Variants in GLI2 observed in about 807,000 individuals in gnomAD.
GLI2 encodes the protein GLI family zinc finger 2.
GLI2 carries 22 observed loss-of-function variants against 78.9 expected under a neutral mutation model. That is an observed-to-expected ratio of 0.28 (90% CI 0.20 to 0.40). GLI2 has a LOEUF of 0.40. GLI2 is among the 10% of genes least tolerant of loss of function. The probability of loss-of-function intolerance (pLI) is 1.00; values close to 1 mark genes in which losing one functional copy is unlikely to be tolerated. For missense variants in GLI2, 2,097 were observed against 2,213.2 expected (o/e 0.95, Z 1.05); for synonymous variants, 974 against 963.7 (o/e 1.01, Z -0.20).
intron 2 of GLI2, among the ~76,000 whole-genome samples, chr2:120,869,813 G>A (rs277555): frequency 0.58 from 88,326 of 151,698 alleles, 26,439 homozygotes; most frequent in East Asian, 0.75. Context: ...AAGCAAACCC[G>A]TTCCCCAAGG....
intron 3 of GLI2, among the ~76,000 whole-genome samples, chr2:120,929,646 G>T (rs531885856): frequency 6.6e-5 from 10 of 152,338 alleles, no homozygotes; most frequent in African/African-American, 2.4e-4. Flanking sequence ...AGTTGTCCCA[G>T]ATTTGGCCGT....
At chr2:120,794,412 G>T (rs1454650751) in intron 1 of GLI2, among the ~76,000 whole-genome samples, 1 of 152,200 alleles carries the variant, frequency 6.6e-6, no homozygotes, top group Non-Finnish European at 1.5e-5. Context: ...TGAAGGCCAA[G>T]GGGCTCAGCA....
At chr2:120,850,556 C>T (rs1346759227) in intron 2 of GLI2, among the ~76,000 whole-genome samples, 1 of 152,174 alleles carries the variant, frequency 6.6e-6, no homozygotes, top group Non-Finnish European at 1.5e-5. Context: ...CTTAAGGATT[C>T]TCTCTTACAG....
At chr2:120,753,074 G>GT (rs142854951) in intron 1 of GLI2, among the ~76,000 whole-genome samples, 2,927 of 133,588 alleles carry the variant, frequency 0.022, 96 homozygotes, top group African/African-American at 0.076. Context: ...AAGGGTGGGT[G>GT]TTTTTTTTTT....
chr2:120,869,657 T>G (rs925120128), intron 2 of GLI2, among the ~76,000 whole-genome samples: 1 of 152,202 alleles, frequency 6.6e-6, no homozygotes, highest in South Asian at 2.1e-4. Context: ...ACAGAAAGGT[T>G]TCCAGAAGTG....
chr2:120,962,754 C>T (rs966866266), intron 5 of GLI2, among the ~76,000 whole-genome samples: 26 of 152,224 alleles, frequency 1.7e-4, no homozygotes, highest in African/African-American at 5.5e-4. Context: ...CCATGAGAGG[C>T]GGGGATAACA....
At position 120,795,031 on chromosome 2, in the gene GLI2, T is replaced by G. The variant is rs148326754; in HGVS notation, c.-30-2260T>G. Among the ~76,000 whole-genome samples, 1,298 of 152,284 alleles carry G rather than the reference T, an allele frequency of 8.5e-3. 13 individuals are homozygous for G. The highest frequency in any genetic ancestry group is 0.029 in the African/African-American group (1,201 of 41,552). On this transcript the variant is annotated intron_variant, in intron 1 of 13. Transcript: ENST00000361492. The stretch of plus-strand genomic sequence containing the variant: ...CCTCCATTGTTCTTGTGTACTCATT[T>G]TTTTCTACTTAAAAAGATGTGGGAG...
chr2:120,790,100 C>T (rs1484961982), intron 1 of GLI2, among the ~76,000 whole-genome samples: 1 of 152,218 alleles, frequency 6.6e-6, no homozygotes, highest in African/African-American at 2.4e-5. Flanking sequence ...AACATGGGAA[C>T]CATGGATCCC....
chr2:120,968,252 C>A (rs138980148), intron 5 of GLI2, among the ~76,000 whole-genome samples: 1 of 152,122 alleles, frequency 6.6e-6, no homozygotes, highest in African/African-American at 2.4e-5. Context: ...TAGCAGCTGC[C>A]CTTGGGCTGG....
At chr2:120,779,865 C>T (rs888766168) in intron 1 of GLI2, among the ~76,000 whole-genome samples, 15 of 152,262 alleles carry the variant, frequency 9.9e-5, no homozygotes, top group Admixed American at 5.9e-4. Flanking sequence ...CTTCCCAGCC[C>T]GGGAGAGTGC....
Position 120,992,050 on chromosome 2 carries a change from A to ACACCCCC in GLI2, c.*1376_*1377insACCCCCC, listed in dbSNP as rs1553480327. The ACACCCCC allele has an allele frequency of 6.8e-6, 1 of 146,900 alleles. No individual in the cohort carries two copies. Among genetic ancestry groups the ACACCCCC allele is most frequent in the Non-Finnish European group, 1.5e-5 (1 of 67,406 alleles). The allele number at this position is 146,900 out of a possible 1,614,324, so 9.1% of individuals were successfully genotyped here. ...CACACACACACACACACACACACAC[A>ACACCCCC]CCCCAAACCTTTTCATGGGGAATGT... On this transcript the variant is annotated 3_prime_UTR_variant, in exon 14 of 14. Coordinates refer to ENST00000361492, the MANE Select transcript of GLI2 (RefSeq NM_001374353.1).
intron 2 of GLI2, among the ~76,000 whole-genome samples, chr2:120,840,944 G>T (rs1314983937): frequency 6.6e-6 from 1 of 152,170 alleles, no homozygotes; most frequent in Non-Finnish European, 1.5e-5. Context: ...TCTCTGTCTG[G>T]TCTTTGGGGT....
intron 2 of GLI2, among the ~76,000 whole-genome samples, chr2:120,881,812 AACAGTCGTGG>A (rs1677165002): frequency 1.3e-3 from 29 of 21,922 alleles, no homozygotes; most frequent in East Asian, 7.6e-3. Context: ...AGTGGGGGAG[AACAGTCGTGG>A]GGACAGTAGA....
chr2:120,814,558 G>T (rs1477109975), intron 2 of GLI2, among the ~76,000 whole-genome samples: 2 of 152,188 alleles, frequency 1.3e-5, no homozygotes, highest in Non-Finnish European at 1.5e-5. Context: ...ACCAGTCCAT[G>T]CCCTGTTGTG....
intron 2 of GLI2, among the ~76,000 whole-genome samples, chr2:120,854,303 G>A (rs1357484731): frequency 6.6e-6 from 1 of 152,140 alleles, no homozygotes; most frequent in Non-Finnish European, 1.5e-5. Context: ...ACCCTGGCAG[G>A]CCCTGTCAGT....
intron 2 of GLI2, among the ~76,000 whole-genome samples, chr2:120,869,605 T>G (rs945327527): frequency 1.3e-5 from 2 of 152,188 alleles, no homozygotes; most frequent in East Asian, 3.8e-4. Context: ...CTGATAGCAG[T>G]TGCAAAATAG....
At chr2:120,983,262 C>T (rs1682801501) in intron 11 of GLI2, among the ~76,000 whole-genome samples, 1 of 152,162 alleles carries the variant, frequency 6.6e-6, no homozygotes, top group Non-Finnish European at 1.5e-5. Context: ...CATCTGCTCC[C>T]TATTACTTGG....
At chr2:120,962,823 G>T (rs1206520419) in intron 5 of GLI2, among the ~76,000 whole-genome samples, 1 of 152,222 alleles carries the variant, frequency 6.6e-6, no homozygotes, top group Non-Finnish European at 1.5e-5. Flanking sequence ...ACATGAGAGG[G>T]TGGGAATCCA....
chr2:120,943,724 C>T (rs76228683), intron 3 of GLI2, among the ~76,000 whole-genome samples: 3,746 of 152,286 alleles, frequency 0.025, 163 homozygotes, highest in African/African-American at 0.087. Flanking sequence ...GGAGCAAAGC[C>T]ATCTCTGGCA....
Sources: gnomAD v4.1 joint callset for allele counts (sites outside exome capture counted in the v4.1 genomes callset) on GRCh38, gnomAD v4.1.1 for gene constraint, MANE v1.5 for transcripts, NCBI Gene and HGNC (gene_info 2026-07-23, HGNC 2026-07-21) for gene names.